The following UGT1A4 variants were observed in gnomAD, a reference collection of about 807,000 sequenced individuals.
UGT1A4 encodes UDP glucuronosyltransferase family 1 member A4.
UGT1A4 carries 32 observed loss-of-function variants against 41.1 expected under a neutral mutation model. The observed-to-expected ratio is 0.78, with a 90% CI of 0.59 to 1.05. The LOEUF (loss-of-function observed/expected upper bound fraction) is 1.05. Ranked by LOEUF, UGT1A4 falls within the 50% of genes least tolerant of loss-of-function variation. The pLI is 0.00. For missense variants in UGT1A4, 748 were observed against 677.4 expected, an observed-to-expected ratio of 1.10 and a Z score of -1.16; for synonymous variants, 283 against 265.1, an observed-to-expected ratio of 1.07 and a Z score of -0.66.
chr2:233,763,026 C>T (rs1324231755), intron 1 of UGT1A4, among the ~76,000 whole-genome samples: 1 of 152,138 alleles, frequency 6.6e-6, no homozygotes, highest in African/African-American at 2.4e-5. Flanking sequence ...TTATGTTAGC[C>T]ATTGTTTTCT....
intron 1 of UGT1A4, chr2:233,747,353 C>T (rs1297550032): frequency 5.6e-6 from 9 of 1,602,858 alleles, no homozygotes; most frequent in East Asian, 2.2e-5. Context: ...TGCGGGAGGC[C>T]GTGCGGGAGC....
intron 1 of UGT1A4, among the ~76,000 whole-genome samples, chr2:233,736,837 T>TC (rs1251253473): frequency 1.3e-5 from 2 of 152,214 alleles, no homozygotes. Flanking sequence ...TGCTTTGGTA[T>TC]CACCAGTGGA....
chr2:233,760,960 G>C (rs144721642), intron 1 of UGT1A4: 1 of 1,614,048 alleles, frequency 6.2e-7, no homozygotes, highest in Non-Finnish European at 8.5e-7. Flanking sequence ...TCTGTGCGAC[G>C]TGGTTTATTC....
intron 1 of UGT1A4, among the ~76,000 whole-genome samples, chr2:233,764,386 G>A (rs141556907): frequency 3.9e-5 from 6 of 152,290 alleles, no homozygotes; most frequent in Non-Finnish European, 7.4e-5. Context: ...GGAGTTGGCC[G>A]TGATGACAAC....
intron 1 of UGT1A4, among the ~76,000 whole-genome samples, chr2:233,724,129 T>A (rs2077172457): frequency 8.6e-6 from 1 of 116,454 alleles, no homozygotes. Context: ...GCCCCTCACC[T>A]CCCGGACGGG....
At position 233,729,598 on chromosome 2, in the gene UGT1A4, G is replaced by A. The variant is rs775320084; in HGVS notation, c.867+9911G>A. The A allele has an allele frequency of 6.8e-5, 109 of 1,613,866 alleles. No homozygotes were observed. Among genetic ancestry groups the A allele is most frequent in the East Asian group, 3.1e-4 (14 of 44,894 alleles). ...TTTAACAGACCCCGTTAACCTCTGC[G>A]CGGCAGTGCTGGCTAAGTACCTGTC... On this transcript the variant is annotated intron_variant, in intron 1 of 4. Transcript: ENST00000373409.
rs376278520 is a variant in UGT1A4, at chr2:233,729,272, G to A, written c.867+9585G>A. The A allele has an allele frequency of 1.9e-5, 30 of 1,614,080 alleles. No homozygotes were observed. The highest frequency in any genetic ancestry group is 9.3e-5 in the African/African-American group (7 of 74,926). ...TGGCTCAGCATGCGGGAGGTCTTGC[G>A]GGAGCTCCATGCCAGAGGCCACCAG... On this transcript the variant is annotated intron_variant, in intron 1 of 4. Coordinates refer to ENST00000373409, the MANE Select transcript of UGT1A4 (RefSeq NM_007120.3).
intron 1 of UGT1A4, chr2:233,729,857 C>T: frequency 6.2e-7 from 1 of 1,613,876 alleles, no homozygotes; most frequent in Non-Finnish European, 8.5e-7. Context: ...AGAGAGGTGT[C>T]AGTGGTGGAT....
intron 1 of UGT1A4, chr2:233,729,105 G>A (rs779665217): frequency 1.9e-6 from 3 of 1,612,662 alleles, no homozygotes; most frequent in East Asian, 4.5e-5. Context: ...TGGACAGTCA[G>A]CTGTCCGTGT....
intron 1 of UGT1A4, among the ~76,000 whole-genome samples, chr2:233,723,536 T>TTC (rs1553611580): frequency 8.2e-6 from 1 of 121,444 alleles, no homozygotes; most frequent in Non-Finnish European, 1.6e-5. Context: ...TTTTTTTTTT[T>TTC]AATTTATTTT....
At chr2:233,751,711 C>G (rs1187587643) in intron 1 of UGT1A4, among the ~76,000 whole-genome samples, 1 of 152,190 alleles carries the variant, frequency 6.6e-6, no homozygotes, top group Non-Finnish European at 1.5e-5. Context: ...TCCTCCTTCA[C>G]TCACAAGTGA....
intron 1 of UGT1A4, chr2:233,744,049 A>C: frequency 1.3e-4 from 90 of 678,678 alleles, no homozygotes; most frequent in Non-Finnish European, 1.7e-4. Flanking sequence ...GCCACATCTC[A>C]TTGGTCGAGG....
chr2:233,764,097 A>C (rs535493986), intron 1 of UGT1A4, among the ~76,000 whole-genome samples: 6 of 152,334 alleles, frequency 3.9e-5, no homozygotes, highest in African/African-American at 1.4e-4. Flanking sequence ...CTAAACTAAA[A>C]ATACAAAATT....
intron 1 of UGT1A4, among the ~76,000 whole-genome samples, chr2:233,745,961 G>C (rs1163113013): frequency 6.6e-6 from 1 of 151,702 alleles, no homozygotes; most frequent in Non-Finnish European, 1.5e-5. Context: ...TGGGGGACAG[G>C]GGCCCTGAAA....
At position 233,743,636 on chromosome 2, in the gene UGT1A4, C is replaced by T. The variant is rs764566878; in HGVS notation, c.868-23398C>T. 27 of 1,367,194 alleles carry T rather than the reference C, an allele frequency of 2.0e-5. 2 individuals are homozygous for T. The African/African-American group carries it at 2.2e-4, about 11-fold the overall frequency. The allele number at this position is 1,367,194 out of a possible 1,614,324, so 84.7% of individuals were successfully genotyped here. A position where few individuals can be genotyped will look rare whatever the true frequency, so the allele number is the denominator to read the frequency against. On this transcript the variant is annotated intron_variant, in intron 1 of 4. Transcript: ENST00000373409. Reference sequence around the variant, plus strand: ...CTCCCTGAAGACGTCGGCTGGGTCGCGGAAGCTGAAGACGTACTCGAAGGG... The same window carrying T: ...CTCCCTGAAGACGTCGGCTGGGTCGTGGAAGCTGAAGACGTACTCGAAGGG...
In UGT1A4 at chr2:233,743,160, T is replaced by C. The variant is rs191127881; in HGVS notation, c.867+23473T>C. On this transcript the variant is annotated intron_variant, in intron 1 of 4. Coordinates refer to ENST00000373409, the MANE Select transcript of UGT1A4 (RefSeq NM_007120.3). ...AAAAAAAGTCCGCTATTCCTCCAGA[T>C]GTGCTTAAAGTCAAATGTGGACTGG... The C allele has an allele frequency of 3.8e-4, 139 of 361,394 alleles. 1 individual carries two copies. Among genetic ancestry groups the C allele is most frequent in the Middle Eastern group, 7.9e-4 (2 of 2,540 alleles). 22.4% of individuals were successfully genotyped at this position (361,394 alleles called of 1,614,324 possible). A position where few individuals can be genotyped will look rare whatever the true frequency, so the allele number is the denominator to read the frequency against.
chr2:233,757,560 A>ATATATATATG (rs904896556), intron 1 of UGT1A4, among the ~76,000 whole-genome samples: 18 of 123,146 alleles, frequency 1.5e-4, no homozygotes, highest in African/African-American at 6.1e-4. Flanking sequence ...ATATATATAT[A>ATATATATATG]TGTATATATG....
At chr2:233,740,343 G>A (rs1691372843) in intron 1 of UGT1A4, among the ~76,000 whole-genome samples, 1 of 151,960 alleles carries the variant, frequency 6.6e-6, no homozygotes, top group African/African-American at 2.4e-5. Flanking sequence ...AAGTTGATGA[G>A]AAAGTGGAAT....
chr2:233,759,131 C>T (rs889675688), intron 1 of UGT1A4, among the ~76,000 whole-genome samples: 18 of 152,174 alleles, frequency 1.2e-4, no homozygotes, highest in African/African-American at 3.6e-4. Flanking sequence ...GCCTCTGGTA[C>T]GCAATGAAGG....
Sources: gnomAD v4.1 joint callset for allele counts (sites outside exome capture counted in the v4.1 genomes callset) on GRCh38, gnomAD v4.1.1 for gene constraint, MANE v1.5 for transcripts, NCBI Gene and HGNC (gene_info 2026-07-23, HGNC 2026-07-21) for gene names.